HOMER1: variants seen among roughly 807,000 people sequenced by gnomAD.
The protein encoded by HOMER1 is homer protein homolog 1.
A neutral mutation model predicts 48.9 loss-of-function variants in HOMER1; 3 were observed. That is an observed-to-expected ratio of 0.06 (90% CI 0.03 to 0.16). The LOEUF is 0.16. Among genes scored for constraint, HOMER1 ranks in the 10% least tolerant of loss-of-function variants. The pLI is 1.00. For missense variants in HOMER1, 247 were observed against 411.4 expected (o/e 0.60, Z 3.46); for synonymous variants, 134 against 146.4 (o/e 0.92, Z 0.61).
intron 8 of HOMER1, among the ~76,000 whole-genome samples, chr5:79,392,520 T>C (rs1310689790): frequency 1.3e-5 from 2 of 152,212 alleles, no homozygotes; most frequent in African/African-American, 2.4e-5. Flanking sequence ...GCTGAATACA[T>C]GTTTATGTTT....
chr5:79,455,858 T>G (rs548896227), intron 2 of HOMER1, among the ~76,000 whole-genome samples: 39 of 152,260 alleles, frequency 2.6e-4, no homozygotes, highest in African/African-American at 7.9e-4. Context: ...AGTTCATTGA[T>G]GATTAAAGGA....
At chr5:79,432,315 A>G (rs541795861) in intron 5 of HOMER1, among the ~76,000 whole-genome samples, 1 of 152,354 alleles carries the variant, frequency 6.6e-6, no homozygotes, top group Admixed American at 6.5e-5. Context: ...AAAGCCCTCC[A>G]CAAGAAAGAG....
intron 1 of HOMER1, among the ~76,000 whole-genome samples, chr5:79,503,083 A>G (rs148970298): frequency 1.3e-3 from 200 of 151,944 alleles, no homozygotes; most frequent in East Asian, 4.5e-3. Context: ...CACTGCGCCC[A>G]GCCTGCATGT....
intron 1 of HOMER1, among the ~76,000 whole-genome samples, chr5:79,485,559 C>G (rs1175733994): frequency 6.6e-6 from 1 of 152,140 alleles, no homozygotes; most frequent in East Asian, 1.9e-4. Context: ...TTGTAAGTAA[C>G]AACACATTTT....
At chr5:79,417,379 T>C (rs1052600239) in intron 5 of HOMER1, among the ~76,000 whole-genome samples, 8 of 152,174 alleles carry the variant, frequency 5.3e-5, no homozygotes, top group African/African-American at 1.7e-4. Flanking sequence ...CCTGACCTCG[T>C]GATCCGCCCG....
chr5:79,502,897 T>C (rs1000671597), intron 1 of HOMER1, among the ~76,000 whole-genome samples: 1 of 152,146 alleles, frequency 6.6e-6, no homozygotes, highest in African/African-American at 2.4e-5. Flanking sequence ...TTCACGCCAT[T>C]CTCCTGCCTC....
At chr5:79,504,969 T>C (rs755508851) in intron 1 of HOMER1, among the ~76,000 whole-genome samples, 6 of 152,140 alleles carry the variant, frequency 3.9e-5, no homozygotes, top group Admixed American at 3.9e-4. Context: ...TGTCTCTCAG[T>C]AGACTTCTAT....
intron 5 of HOMER1, 133 bp downstream of exon 5, chr5:79,438,877 A>T (rs922776464): frequency 3.4e-5 from 4 of 116,270 alleles, no homozygotes; most frequent in East Asian, 2.5e-4. Context: ...CAGAAGCAGT[A>T]AAAAAAAAAA....
At position 79,437,811 on chromosome 5, in the gene HOMER1, T is replaced by C. The variant is rs116217829; in HGVS notation, c.527+1199A>G. Among the ~76,000 whole-genome samples the C allele has an allele frequency of 6.4e-3, 980 of 152,250 alleles. 8 individuals are homozygous for C. The highest frequency in any genetic ancestry group is 0.021 in the African/African-American group (886 of 41,552). On this transcript the variant is annotated intron_variant, in intron 5 of 8. Coordinates refer to ENST00000334082, the MANE Select transcript of HOMER1 (RefSeq NM_004272.5). ...AAGACTACAGGTGTGTGCACCAACATGCCTGGCCTAAGTTTTTACATATTT... is the reference window on the plus strand; with the variant it reads ...AAGACTACAGGTGTGTGCACCAACACGCCTGGCCTAAGTTTTTACATATTT...
intron 1 of HOMER1, among the ~76,000 whole-genome samples, chr5:79,486,852 A>G (rs116571953): frequency 1.3e-5 from 2 of 152,252 alleles, no homozygotes; most frequent in African/African-American, 4.8e-5. Flanking sequence ...CAAGGTAGGT[A>G]GTATGTAATC....
intron 5 of HOMER1, among the ~76,000 whole-genome samples, chr5:79,430,163 A>G (rs913318542): frequency 1.3e-5 from 2 of 152,232 alleles, no homozygotes; most frequent in African/African-American, 2.4e-5. Context: ...ATAAAGAACT[A>G]CAACTCAACA....
chr5:79,379,408 AT>A (rs1239981258), intron 8 of HOMER1, among the ~76,000 whole-genome samples: 4 of 117,774 alleles, frequency 3.4e-5, no homozygotes, highest in African/African-American at 3.3e-5. Flanking sequence ...ATATTTATAT[AT>A]TTATATATTT....
Position 79,408,805 on chromosome 5 carries a change from C to T in HOMER1, c.528-6750G>A, listed in dbSNP as rs182781807. Among the ~76,000 whole-genome samples the T allele has an allele frequency of 3.6e-3, 441 of 123,552 alleles. 1 individual carries two copies. Among genetic ancestry groups the T allele is most frequent in the Non-Finnish European group, 6.1e-3 (290 of 47,628 alleles). The allele number at this position is 123,552 out of a possible 152,430, so 81.1% of individuals were successfully genotyped here. ...CAACACTATTTAAAAATTGAAGAGG[C>T]CAAGGGGGTGGCTCATGCCTTAATC... On this transcript the variant is annotated intron_variant, in intron 5 of 8. Coordinates refer to ENST00000334082, the MANE Select transcript of HOMER1 (RefSeq NM_004272.5).
chr5:79,471,712 G>A (rs1003532977), intron 1 of HOMER1, among the ~76,000 whole-genome samples: 5 of 152,180 alleles, frequency 3.3e-5, no homozygotes, highest in African/African-American at 1.2e-4. Context: ...CTCATGTGCA[G>A]CCAGGAGGGA....
intron 8 of HOMER1, among the ~76,000 whole-genome samples, chr5:79,383,996 C>T (rs904983481): frequency 1.3e-5 from 2 of 150,158 alleles, no homozygotes; most frequent in South Asian, 4.2e-4. Context: ...TGTGACACAG[C>T]AAAAGTAAAA....
intron 8 of HOMER1, among the ~76,000 whole-genome samples, chr5:79,379,114 A>ATATAT (rs70975748): frequency 6.0e-4 from 49 of 82,230 alleles, no homozygotes; most frequent in African/African-American, 1.9e-3. Context: ...ATATATATAT[A>ATATAT]AAATATATAA....
chr5:79,415,588 T>G (rs114077893), intron 5 of HOMER1, among the ~76,000 whole-genome samples: 3 of 152,210 alleles, frequency 2.0e-5, no homozygotes, highest in African/African-American at 7.2e-5. Context: ...GTCATAGTCA[T>G]AGTTTAATTG....
At chr5:79,441,966 GGGGTGTGT>G (rs1469045626) in intron 4 of HOMER1, among the ~76,000 whole-genome samples, 1 of 139,486 alleles carries the variant, frequency 7.2e-6, no homozygotes, top group Non-Finnish European at 1.6e-5. Context: ...ATTCTTTTTT[GGGGTGTGT>G]GTGTGTGTGT....
intron 1 of HOMER1, among the ~76,000 whole-genome samples, chr5:79,477,480 CTGGATATGAGGCCAT>C (rs1215423216): frequency 6.6e-6 from 1 of 152,212 alleles, no homozygotes; most frequent in East Asian, 1.9e-4. Flanking sequence ...CTTCTGTTGG[CTGGATATGAGGCCAT>C]TGGATATGGA....
Sources: allele counts gnomAD v4.1 joint callset (sites outside exome capture counted in the v4.1 genomes callset), GRCh38; gene constraint gnomAD v4.1.1; transcripts MANE v1.5; gene names NCBI Gene and HGNC (gene_info 2026-07-23, HGNC 2026-07-21).